The following PREPL variants were observed in gnomAD, a reference collection of about 807,000 sequenced individuals.
The protein encoded by PREPL is prolyl endopeptidase like.
In PREPL, 77 loss-of-function variants were observed where a neutral mutation model predicts 70.6. The ratio of observed to expected loss-of-function variants is 1.09; its 90% CI spans 0.91 to 1.32. The LOEUF is 1.32. PREPL is among the 40% of genes most tolerant of loss of function. The probability of loss-of-function intolerance (pLI) is 0.00; values close to 1 mark genes in which losing one functional copy is unlikely to be tolerated. For synonymous variants in PREPL, 315 were observed against 264.8 expected (o/e 1.19, Z -1.84); for missense variants, 1,002 against 778.2 (o/e 1.29, Z -3.42).
intron 9 of PREPL, among the ~76,000 whole-genome samples, chr2:44,327,298 G>A (rs1026093534): frequency 1.3e-5 from 2 of 152,110 alleles, no homozygotes; most frequent in Admixed American, 1.3e-4. Context: ...TGTGGGGTAA[G>A]AAAACAACGA....
rs1388450447 is a variant in PREPL at position 44,326,803 on chromosome 2, A to C, written c.1388T>G (p.Leu463Arg). Residue 463 changes from leucine (L) to arginine (R), a missense_variant, in exon 10 of 14, where the codon CTA becomes CGA. By Grantham distance (102) the Leu-to-Arg change is moderately radical. Transcript: ENST00000409411. ...LHGQGFSQPS[L>R]TTLTAFSAGG... The stretch of plus-strand genomic sequence containing the variant: ...AGCACTGAAAGCAGTCAGGGTTGTT[A>C]GACTTGGCTGAGAAAAGCCTTGGCC... The C allele has an allele frequency of 1.2e-6, 2 of 1,614,062 alleles. No homozygotes were observed. The highest frequency in any genetic ancestry group is 2.2e-5 in the East Asian group (1 of 44,892).
intron 1 of PREPL, among the ~76,000 whole-genome samples, chr2:44,346,917 TTAACTA>T (rs1180344203): frequency 6.6e-6 from 1 of 152,180 alleles, no homozygotes; most frequent in East Asian, 1.9e-4. Context: ...CCCTACTTCA[TTAACTA>T]TAATTTTTTA....
At chr2:44,342,598 AT>A in intron 4 of PREPL, 46 bp from the exon 5 acceptor site, 1 of 1,197,236 alleles carries the variant, frequency 8.4e-7, no homozygotes, top group Non-Finnish European at 1.1e-6. Context: ...CCTACACTCC[AT>A]TAAAAAAAAA....
At chr2:44,344,227 A>G (rs1675533891) in intron 3 of PREPL, among the ~76,000 whole-genome samples, 2 of 152,184 alleles carry the variant, frequency 1.3e-5, no homozygotes, top group Admixed American at 1.3e-4. Context: ...CAGAACCTAG[A>G]AAGTAAGTGA....
Position 44,319,576 on chromosome 2 carries a change from G to C in PREPL, c.*1780C>G, listed in dbSNP as rs973453727. On this transcript the variant is annotated 3_prime_UTR_variant, in exon 14 of 14. Transcript: ENST00000409411. Reference sequence around the variant, plus strand: ...ACATCATCAAATTATGTTTTATATAGCTGTAAAATAAACCCAAATCATCTT... The same window carrying C: ...ACATCATCAAATTATGTTTTATATACCTGTAAAATAAACCCAAATCATCTT... The C allele has an allele frequency of 1.3e-5, 2 of 152,518 alleles. No homozygotes were observed. Among genetic ancestry groups the C allele is most frequent in the African/African-American group, 2.4e-5 (1 of 41,422 alleles). The allele number at this position is 152,518 out of a possible 1,614,324, so 9.4% of individuals were successfully genotyped here.
At chr2:44,359,926 G>A (rs944904014) in intron 1 of PREPL, 11 of 517,960 alleles carry the variant, frequency 2.1e-5, no homozygotes, top group African/African-American at 1.5e-4. Flanking sequence ...GTAAGTTAAA[G>A]TTTCATTCAA....
rs1228543986 is a variant in PREPL, at chr2:44,320,803, AAAT to A, written c.*550_*552del. The stretch of plus-strand genomic sequence containing the variant: ...GAAAGGTTCTCAAATGTTTTGAAAA[AAAT>A]AAAATGTTTAAAAGTAAATTATGGC... On this transcript the variant is annotated 3_prime_UTR_variant, in exon 14 of 14. Transcript: ENST00000409411. 9.0e-6 allele frequency: 6 copies of A among 664,982 alleles called. No individual in the cohort carries two copies. The highest frequency in any genetic ancestry group is 2.6e-5 in the Admixed American group (1 of 37,996). 41.2% of individuals were successfully genotyped at this position (664,982 alleles called of 1,614,324 possible).
chr2:44,323,738 G>C (rs1303056731), intron 10 of PREPL, among the ~76,000 whole-genome samples: 1 of 151,868 alleles, frequency 6.6e-6, no homozygotes, highest in Non-Finnish European at 1.5e-5. Context: ...TACCAATTAG[G>C]ACAGTTAGTT....
intron 7 of PREPL, among the ~76,000 whole-genome samples, chr2:44,333,043 G>A (rs752936208): frequency 2.0e-5 from 3 of 152,128 alleles, no homozygotes; most frequent in South Asian, 2.1e-4. Flanking sequence ...CTCAAAGAAC[G>A]TGAAATTCCT....
In PREPL at chr2:44,317,746, C is replaced by G. The variant is rs1000423905; in HGVS notation, c.*3610G>C. On this transcript the variant is annotated 3_prime_UTR_variant, in exon 14 of 14. Transcript: ENST00000409411. ...TACTAGAAGAAAAAAATTATACAGT[C>G]AATCCAACAAAAAGCTTAATAGAAA... The G allele has an allele frequency of 5.3e-5, 8 of 152,062 alleles. No homozygotes were observed. Among genetic ancestry groups the G allele is most frequent in the African/African-American group, 1.9e-4 (8 of 41,330 alleles). The allele number at this position is 152,062 out of a possible 1,614,324, so 9.4% of individuals were successfully genotyped here. A position where few individuals can be genotyped will look rare whatever the true frequency, so the allele number is the denominator to read the frequency against.
intron 1 of PREPL, among the ~76,000 whole-genome samples, chr2:44,354,490 C>T (rs138212286): frequency 2.6e-5 from 4 of 152,204 alleles, no homozygotes; most frequent in South Asian, 2.1e-4. Context: ...CTACATGTAA[C>T]AACTCTCCCC....
intron 1 of PREPL, among the ~76,000 whole-genome samples, chr2:44,352,984 T>C (rs945080120): frequency 2.0e-5 from 3 of 152,198 alleles, no homozygotes; most frequent in African/African-American, 7.2e-5. Flanking sequence ...TGGCAGCTCA[T>C]GCCTGTAATC....
rs928970057 is a variant in PREPL at position 44,337,868 on chromosome 2, T to C, written c.888+483A>G. 2.0e-5 allele frequency among the ~76,000 whole-genome samples: 3 copies of C among 152,202 alleles called. No homozygotes were observed. The East Asian group carries it at 5.8e-4, about 29-fold the overall frequency. ...CTACACTGAAAGAAACCAAAGTTTG[T>C]TCCCTGCATCCCCTGCGGATAAGAA... On this transcript the variant is annotated intron_variant, in intron 7 of 13. Coordinates refer to ENST00000409411, the MANE Select transcript of PREPL (RefSeq NM_001171613.2).
At position 44,332,167 on chromosome 2, in the gene PREPL, C is replaced by T. The variant is rs185315481; in HGVS notation, c.1086+292G>A. On this transcript the variant is annotated intron_variant, in intron 8 of 13. Transcript: ENST00000409411. Reference sequence around the variant, plus strand: ...TTCACCGTGTTAGCCAGGATGGTCTCGATCTCCTGACCTCGTGATCCACCC... The same window carrying T: ...TTCACCGTGTTAGCCAGGATGGTCTTGATCTCCTGACCTCGTGATCCACCC... Among the ~76,000 whole-genome samples the T allele has an allele frequency of 5.7e-4, 86 of 151,924 alleles. No individual in the cohort carries two copies. The East Asian group carries it at 0.012, about 22-fold the overall frequency.
chr2:44,329,881 A>G (rs1673914166), intron 8 of PREPL, among the ~76,000 whole-genome samples: 1 of 152,234 alleles, frequency 6.6e-6, no homozygotes, highest in Non-Finnish European at 1.5e-5. Flanking sequence ...CAAAAAAGAT[A>G]AAGAAATTGG....
chr2:44,327,302 A>C (rs1162985922), intron 9 of PREPL, among the ~76,000 whole-genome samples: 1 of 152,194 alleles, frequency 6.6e-6, no homozygotes, highest in Non-Finnish European at 1.5e-5. Context: ...GGGTAAGAAA[A>C]CAACGACTTA....
At chr2:44,356,073 T>C (rs1171235588) in intron 1 of PREPL, among the ~76,000 whole-genome samples, 2 of 152,274 alleles carry the variant, frequency 1.3e-5, no homozygotes, top group East Asian at 3.9e-4. Flanking sequence ...CATCTTGCCA[T>C]CTGGCTAATG....
At chr2:44,355,794 T>C (rs1023957222) in intron 1 of PREPL, among the ~76,000 whole-genome samples, 2 of 149,336 alleles carry the variant, frequency 1.3e-5, no homozygotes, top group African/African-American at 5.0e-5. Context: ...CACACACACA[T>C]ATGAATATGA....
chr2:44,344,969 G>A (rs968362785), intron 2 of PREPL, among the ~76,000 whole-genome samples: 1 of 152,164 alleles, frequency 6.6e-6, no homozygotes, highest in Admixed American at 6.5e-5. Flanking sequence ...TGATGCAGAT[G>A]AGGAAACTGT....
Sources: allele counts gnomAD v4.1 joint callset (sites outside exome capture counted in the v4.1 genomes callset), GRCh38; gene constraint gnomAD v4.1.1; transcripts MANE v1.5; gene names NCBI Gene and HGNC (gene_info 2026-07-23, HGNC 2026-07-21).